RNF20: variants seen among roughly 807,000 people sequenced by gnomAD.
RNF20 encodes ring finger protein 20, also known as E3 ubiquitin-protein ligase BRE1A.
Under a neutral mutation model 126.2 loss-of-function variants are expected in RNF20, and 84 were observed. The ratio of observed to expected loss-of-function variants is 0.67; its 90% CI spans 0.56 to 0.80. RNF20 has a LOEUF of 0.80. RNF20 is among the 30% of genes least tolerant of loss of function. The pLI, the probability that RNF20 is intolerant of heterozygous loss-of-function variation, is 0.00. For synonymous variants in RNF20, 400 were observed against 414.3 expected (o/e 0.97, Z 0.42); for missense variants, 869 against 1,188.2 (o/e 0.73, Z 3.95).
At chr9:101,556,844 C>G (rs536946730) in intron 15 of RNF20, among the ~76,000 whole-genome samples, 2 of 152,000 alleles carry the variant, frequency 1.3e-5, no homozygotes, top group Non-Finnish European at 2.9e-5. Context: ...ACTCAAGAAT[C>G]CAGTGGAAGA....
At chr9:101,546,024 A>G (rs1827341544) in intron 6 of RNF20, among the ~76,000 whole-genome samples, 1 of 152,174 alleles carries the variant, frequency 6.6e-6, no homozygotes. Flanking sequence ...GAGCATCCCA[A>G]GATCACCAGG....
intron 2 of RNF20, among the ~76,000 whole-genome samples, chr9:101,538,375 A>G (rs144026522): frequency 4.3e-4 from 65 of 152,276 alleles, no homozygotes; most frequent in African/African-American, 1.5e-3. Context: ...GTCTTTGTGA[A>G]ATGTGAGGAA....
Position 101,554,770 on chromosome 9 carries a change from A to C in RNF20, c.2096A>C (p.Asp699Ala). The change falls in exon 15 of 20, where the codon GAT becomes GCT. Residue 699 changes from aspartate to alanine, a missense_variant. Physicochemically the swap from Asp to Ala is moderately radical, Grantham distance 126. Coordinates refer to ENST00000389120, the MANE Select transcript of RNF20 (RefSeq NM_019592.7). ...GAGAACAAGAAAATGGCTGATGAGG[A>C]TGCCTTGAGGAAGATCCGGGCAGTG... ...KKENKKMADE[D>A]ALRKIRAVEE... 1 of 1,601,806 alleles carries C rather than the reference A, an allele frequency of 6.2e-7. No homozygotes were observed. Among genetic ancestry groups the C allele is most frequent in the Non-Finnish European group, 8.5e-7 (1 of 1,172,238 alleles).
intron 7 of RNF20, 27 bp downstream of exon 7, chr9:101,546,993 C>T (rs1173063275): frequency 6.2e-7 from 1 of 1,613,114 alleles, no homozygotes; most frequent in African/African-American, 1.3e-5. Flanking sequence ...GGCTTGGAGA[C>T]TAGAATCATT....
At chr9:101,556,171 A>G (rs1008737494) in intron 15 of RNF20, among the ~76,000 whole-genome samples, 9 of 152,226 alleles carry the variant, frequency 5.9e-5, no homozygotes, top group Non-Finnish European at 1.2e-4. Context: ...GTGATCTCAT[A>G]AAAGTGCTTT....
intron 5 of RNF20, 111 bp from the exon 6 acceptor site, chr9:101,544,656 G>A (rs577495736): frequency 1.2e-5 from 8 of 677,478 alleles, no homozygotes; most frequent in East Asian, 5.6e-5. Flanking sequence ...GCAGTGAGCC[G>A]AGATCGCGCC....
chr9:101,561,884 C>G (rs758028687), intron 18 of RNF20, 26 bp from the exon 19 acceptor site: 1 of 1,475,370 alleles, frequency 6.8e-7, no homozygotes, highest in Non-Finnish European at 9.5e-7. Context: ...GTAAGTGTGT[C>G]TAATGGGTAT....
rs1827379838 is a variant in RNF20 at position 101,548,019 on chromosome 9, AC to A, written c.1092+502del. Among the ~76,000 whole-genome samples the A allele has an allele frequency of 2.0e-5, 3 of 152,340 alleles. No homozygotes were observed. In the South Asian group the frequency reaches 6.2e-4, roughly 32 times the overall value. On this transcript the variant is annotated intron_variant, in intron 9 of 19. Coordinates refer to ENST00000389120, the MANE Select transcript of RNF20 (RefSeq NM_019592.7). Reference sequence around the variant, plus strand: ...AAAACAATTGTGTGTCTATATACCAACAACAAACTCTATAAAAAAGAAATTA... The same window carrying A: ...AAAACAATTGTGTGTCTATATACCAAAACAAACTCTATAAAAAAGAAATTA...
At chr9:101,535,663 G>A in intron 2 of RNF20, 111 bp downstream of exon 2, 2 of 1,232,428 alleles carry the variant, frequency 1.6e-6, no homozygotes, top group Non-Finnish European at 2.3e-6. Flanking sequence ...GAAAAGAAGA[G>A]GGAAATAAAA....
At chr9:101,555,317 A>T (rs1173100776) in intron 15 of RNF20, among the ~76,000 whole-genome samples, 2 of 151,996 alleles carry the variant, frequency 1.3e-5, no homozygotes, top group Non-Finnish European at 2.9e-5. Flanking sequence ...TGTGATTTAT[A>T]TATAATAAGG....
intron 9 of RNF20, among the ~76,000 whole-genome samples, chr9:101,547,925 G>C (rs549111833): frequency 5.7e-4 from 87 of 152,172 alleles, no homozygotes; most frequent in African/African-American, 2.0e-3. Flanking sequence ...AACCTTACAG[G>C]CTCCACGAAA....
Position 101,552,546 on chromosome 9 carries a change from A to G in RNF20, c.1694A>G (p.Asp565Gly), listed in dbSNP as rs748476054. ...GCCAATGAAATCAAGTCTAAACGGG[A>G]TGAAGAAGAACGAGAACGAGAAAGG... The part of the protein sequence containing the change: ...EDANEIKSKR[D>G]EEERERERRE... Residue 565 changes from aspartate to glycine, a missense_variant, in exon 13 of 20, where the codon GAT (aspartate) becomes GGT (glycine). This residue lies in a region of RNF20 where 231 missense variants were observed against 263.6 expected (regional missense o/e 0.88). Coordinates refer to ENST00000389120, the MANE Select transcript of RNF20 (RefSeq NM_019592.7). 1.7e-5 allele frequency: 28 copies of G among 1,613,678 alleles called. No homozygotes were observed. The highest frequency in any genetic ancestry group is 3.3e-5 in the Admixed American group (2 of 59,998).
At chr9:101,560,726 TA>T (rs2118743988) in intron 16 of RNF20, 74 bp from the exon 17 acceptor site, 1 of 1,421,080 alleles carries the variant, frequency 7.0e-7, no homozygotes, top group African/African-American at 1.5e-5. Context: ...TTTGTGGGCT[TA>T]TAGATTAACA....
At position 101,554,802 on chromosome 9, in the gene RNF20, C is replaced by A; in HGVS notation, c.2128C>A (p.Gln710Lys). 1.3e-6 allele frequency: 2 copies of A among 1,542,382 alleles called. No homozygotes were observed. The highest frequency in any genetic ancestry group is 1.8e-6 in the Non-Finnish European group (2 of 1,137,908). ...ALRKIRAVEE[Q>K]IEYLQKKLAM... ...GAGGAAGATCCGGGCAGTGGAGGAG[C>A]AGATAGAATACCTACAGAAGAAGCT... The change falls in exon 15 of 20, where the codon CAG (glutamine) becomes AAG (lysine). Residue 710 changes from glutamine to lysine, a missense_variant. Gln to Lys is a moderately conservative substitution (Grantham distance 53). Coordinates refer to ENST00000389120, the MANE Select transcript of RNF20 (RefSeq NM_019592.7).
At position 101,562,955 on chromosome 9, in the gene RNF20, A is replaced by G. The variant is rs1436363774; in HGVS notation, c.*533A>G. ...CTGGGTGGTTTGCAGCCCTAATGAA[A>G]TTATGTCTAGGATGATTCAGTCTAT... On this transcript the variant is annotated 3_prime_UTR_variant, in exon 20 of 20. Coordinates refer to ENST00000389120, the MANE Select transcript of RNF20 (RefSeq NM_019592.7). 4 of 152,352 alleles carry G rather than the reference A, an allele frequency of 2.6e-5. No homozygotes were observed. Among genetic ancestry groups the G allele is most frequent in the Admixed American group, 2.0e-4 (3 of 15,286 alleles). 9.4% of individuals were successfully genotyped at this position (152,352 alleles called of 1,614,324 possible).
Position 101,540,895 on chromosome 9 carries a change from G to T in RNF20, c.548G>T (p.Arg183Leu). The change falls in exon 5 of 20, where the codon CGA (arginine) becomes CTA (leucine). Residue 183 changes from arginine to leucine, a missense_variant. By Grantham distance (102) the Arg-to-Leu change is moderately radical. Around this residue, in one of 8 missense-constraint regions of RNF20, gnomAD observed 157 missense variants for 236.0 expected, o/e 0.67. Transcript: ENST00000389120. ...CAGGAACGTGTGGAGTCTTCCCGCC[G>T]AGCCGTGTCCCAGATTGTGACTGTT... Reference protein sequence around the residue: ...QLQERVESSRRAVSQIVTVYD... With the variant: ...QLQERVESSRLAVSQIVTVYD... 1 of 1,613,928 alleles carries T rather than the reference G, an allele frequency of 6.2e-7. No homozygotes were observed. The highest frequency in any genetic ancestry group is 8.5e-7 in the Non-Finnish European group (1 of 1,179,978).
chr9:101,534,525 A>C (rs1030542545), intron 1 of RNF20, among the ~76,000 whole-genome samples: 1 of 152,178 alleles, frequency 6.6e-6, no homozygotes, highest in African/African-American at 2.4e-5. Flanking sequence ...CTGAGTGCTT[A>C]CTTTGTGTTC....
chr9:101,562,503 A>T lies in RNF20; in HGVS notation c.*81A>T. The T allele has an allele frequency of 7.4e-7, 1 of 1,357,714 alleles. No individual in the cohort carries two copies. Among genetic ancestry groups the T allele is most frequent in the African/African-American group, 1.4e-5 (1 of 69,250 alleles). The allele number at this position is 1,357,714 out of a possible 1,614,324, so 84.1% of individuals were successfully genotyped here. ...CAAACCTCTACCTCTTCTCTCCTTG[A>T]CTGTCACCTGTAGGACAGTTTATCA... On this transcript the variant is annotated 3_prime_UTR_variant, in exon 20 of 20. Transcript: ENST00000389120.
intron 9 of RNF20, among the ~76,000 whole-genome samples, chr9:101,548,330 G>GAAAA (rs1221897995): frequency 6.6e-6 from 1 of 152,138 alleles, no homozygotes; most frequent in Non-Finnish European, 1.5e-5. Context: ...CAGGGTTGGG[G>GAAAA]AAATCGGAAG....
Sources: allele counts gnomAD v4.1 joint callset (sites outside exome capture counted in the v4.1 genomes callset), GRCh38; gene constraint gnomAD v4.1.1; regional missense constraint gnomAD v4.1.1; transcripts MANE v1.5; gene names NCBI Gene and HGNC (gene_info 2026-07-23, HGNC 2026-07-21).